Variants in TCF7L1 observed in about 807,000 individuals in gnomAD.
TCF7L1 encodes transcription factor 7-like 1.
A neutral mutation model predicts 63.7 loss-of-function variants in TCF7L1; 18 were observed. That is an observed-to-expected ratio of 0.28 (90% confidence interval 0.20 to 0.42). The LOEUF is 0.42. Ranked by LOEUF, TCF7L1 falls within the 10% of genes least tolerant of loss-of-function variation. TCF7L1 has a pLI of 1.00. For missense variants in TCF7L1, 654 were observed against 779.3 expected, an observed-to-expected ratio of 0.84 and a Z score of 1.91; for synonymous variants, 355 against 340.9, an observed-to-expected ratio of 1.04 and a Z score of -0.46.
At chr2:85,248,752 A>G (rs1680525005) in intron 3 of TCF7L1, among the ~76,000 whole-genome samples, 2 of 152,214 alleles carry the variant, frequency 1.3e-5, no homozygotes, top group South Asian at 4.1e-4. Flanking sequence ...TTGGTGGATA[A>G]CCTTGCCAAT....
In TCF7L1 at chr2:85,133,427, C is replaced by T. The variant is rs1330176672; in HGVS notation, c.-258C>T. ...CCCCGGCGGGCCAGGGGCTGGGACG[C>T]CCCGGCGGAGCAGGCGGCGGCGGTG... On this transcript the variant is annotated 5_prime_UTR_variant, in exon 1 of 12. Coordinates refer to ENST00000282111, the MANE Select transcript of TCF7L1 (RefSeq NM_031283.3). This position sits in a 1 kb window ranked among gnomAD's most constrained non-coding sequence, Gnocchi z 4.4. 5 of 151,690 alleles carry T rather than the reference C, an allele frequency of 3.3e-5. No individual in the cohort carries two copies. Among genetic ancestry groups the T allele is most frequent in the Non-Finnish European group, 5.9e-5 (4 of 67,932 alleles). 9.4% of individuals were successfully genotyped at this position (151,690 alleles called of 1,614,324 possible). A position where few individuals can be genotyped will look rare whatever the true frequency, so the allele number is the denominator to read the frequency against.
intron 6 of TCF7L1, 81 bp from the exon 7 acceptor site, chr2:85,304,174 C>T (rs1407586371): frequency 7.6e-6 from 11 of 1,442,800 alleles, no homozygotes; most frequent in Non-Finnish European, 9.6e-6. Flanking sequence ...TCCCATATTT[C>T]TCATCCCTTC....
intron 3 of TCF7L1, among the ~76,000 whole-genome samples, chr2:85,201,523 C>G (rs1408563746): frequency 2.0e-5 from 3 of 152,038 alleles, no homozygotes; most frequent in Non-Finnish European, 4.4e-5. Flanking sequence ...TCACAAATCT[C>G]CAAAAAATGT....
intron 3 of TCF7L1, among the ~76,000 whole-genome samples, chr2:85,203,428 A>G (rs1303574121): frequency 6.6e-6 from 1 of 152,200 alleles, no homozygotes; most frequent in Admixed American, 6.5e-5. Context: ...TGTATACCAT[A>G]GAAGAAAATA....
intron 3 of TCF7L1, among the ~76,000 whole-genome samples, chr2:85,138,999 C>CT (rs949590739): frequency 2.4e-4 from 35 of 147,210 alleles, no homozygotes; most frequent in Non-Finnish European, 3.5e-4. Context: ...TTACACTTTT[C>CT]TTTTTTTTTT....
intron 3 of TCF7L1, among the ~76,000 whole-genome samples, chr2:85,222,399 G>A (rs1377390925): frequency 1.3e-5 from 2 of 151,118 alleles, no homozygotes; most frequent in Non-Finnish European, 3.0e-5. Flanking sequence ...GCCAGGCGTG[G>A]TGGTTCACGC....
intron 3 of TCF7L1, among the ~76,000 whole-genome samples, chr2:85,240,776 C>CAAAA (rs397974438): frequency 1.6e-4 from 15 of 95,782 alleles, no homozygotes; most frequent in African/African-American, 4.1e-4. Context: ...ACTCTTGCCT[C>CAAAA]AAAAAAAAAA....
At chr2:85,203,775 GGAAGGGAA>G (rs1300539887) in intron 3 of TCF7L1, among the ~76,000 whole-genome samples, 3 of 150,510 alleles carry the variant, frequency 2.0e-5, no homozygotes, top group Admixed American at 6.6e-5. Context: ...AGAAAAGGAA[GGAAGGGAA>G]GAAGGGAAGA....
At chr2:85,238,875 C>G (rs940195207) in intron 3 of TCF7L1, among the ~76,000 whole-genome samples, 2 of 151,106 alleles carry the variant, frequency 1.3e-5, no homozygotes, top group African/African-American at 2.4e-5. Context: ...ACTGGAGTGT[C>G]GTGGCGCAAT....
chr2:85,258,098 C>T (rs1441332559), intron 3 of TCF7L1, among the ~76,000 whole-genome samples: 3 of 152,184 alleles, frequency 2.0e-5, no homozygotes, highest in Non-Finnish European at 2.9e-5. Context: ...GGAAACCAGA[C>T]TAATGTTGTA....
intron 5 of TCF7L1, among the ~76,000 whole-genome samples, chr2:85,302,820 C>T (rs1202216415): frequency 3.9e-5 from 6 of 151,972 alleles, no homozygotes; most frequent in Non-Finnish European, 8.8e-5. Context: ...ACCATAGGGT[C>T]ACGATAAGGC....
At chr2:85,169,010 A>G (rs1316103233) in intron 3 of TCF7L1, among the ~76,000 whole-genome samples, 1 of 152,158 alleles carries the variant, frequency 6.6e-6, no homozygotes, top group East Asian at 1.9e-4. Context: ...TCCTGCCTCT[A>G]TTTCCTCCAT....
chr2:85,208,492 A>G (rs779980046), intron 3 of TCF7L1, among the ~76,000 whole-genome samples: 1 of 152,178 alleles, frequency 6.6e-6, no homozygotes, highest in Non-Finnish European at 1.5e-5. Context: ...CGTGTGTGTC[A>G]CCGCATGGAG....
chr2:85,282,177 G>A (rs1453479125), intron 3 of TCF7L1, among the ~76,000 whole-genome samples: 2 of 152,042 alleles, frequency 1.3e-5, no homozygotes, highest in Admixed American at 6.6e-5. Context: ...TAGTAGAGAC[G>A]AAGTTTCACC....
chr2:85,258,210 T>C (rs569855451), intron 3 of TCF7L1, among the ~76,000 whole-genome samples: 3 of 152,180 alleles, frequency 2.0e-5, no homozygotes, highest in Middle Eastern at 3.4e-3. Flanking sequence ...CTGTGCACAC[T>C]GTACCCTTAG....
At chr2:85,237,716 TG>T (rs1680225861) in intron 3 of TCF7L1, among the ~76,000 whole-genome samples, 1 of 35,818 alleles carries the variant, frequency 2.8e-5, no homozygotes, top group African/African-American at 1.2e-4. Context: ...ACAGTGGGGT[TG>T]GGGGGTGGGT....
chr2:85,265,181 A>G (rs890386674), intron 3 of TCF7L1, among the ~76,000 whole-genome samples: 32 of 152,306 alleles, frequency 2.1e-4, no homozygotes, highest in Middle Eastern at 3.4e-3. Context: ...CAGGAAGGTC[A>G]TCTTTGAAAG....
intron 5 of TCF7L1, among the ~76,000 whole-genome samples, chr2:85,302,966 T>A (rs1682021598): frequency 1.3e-5 from 2 of 152,230 alleles, no homozygotes; most frequent in African/African-American, 2.4e-5. Flanking sequence ...TGAACATTTT[T>A]AAATAGATTC....
At chr2:85,299,860 A>ACACACACACACACACACACACAC (rs1681927934) in intron 4 of TCF7L1, among the ~76,000 whole-genome samples, 1 of 92,706 alleles carries the variant, frequency 1.1e-5, no homozygotes, top group Non-Finnish European at 2.0e-5. Flanking sequence ...CCTTGTCTCA[A>ACACACACACACACACACACACAC]ACACACACAC....
Sources: gnomAD v4.1 joint callset for allele counts (sites outside exome capture counted in the v4.1 genomes callset) on GRCh38, gnomAD v4.1.1 for gene constraint, Gnocchi (gnomAD v3.1) non-coding constraint, MANE v1.5 for transcripts, NCBI Gene and HGNC (gene_info 2026-07-23, HGNC 2026-07-21) for gene names.